Variants in RNF14 observed in about 807,000 individuals in gnomAD.
The protein encoded by RNF14 is ring finger protein 14.
RNF14 carries 26 observed loss-of-function variants against 52.6 expected under a neutral mutation model. That is an observed-to-expected ratio of 0.49 (90% confidence interval 0.36 to 0.69). RNF14 has a LOEUF of 0.69. Ranked by LOEUF, RNF14 falls within the 30% of genes least tolerant of loss-of-function variation. The pLI, the probability that RNF14 is intolerant of heterozygous loss-of-function variation, is 0.00. For synonymous variants in RNF14, 194 were observed against 202.0 expected (o/e 0.96, Z 0.34); for missense variants, 404 against 560.4 (o/e 0.72, Z 2.82).
chr5:141,968,553 C>T (rs1462947663), upstream of RNF14, among the ~76,000 whole-genome samples: 1 of 152,194 alleles, frequency 6.6e-6, no homozygotes, highest in African/African-American at 2.4e-5. Flanking sequence ...AGTTCTTGCA[C>T]CTAAGTCTCA....
At chr5:141,986,856 G>T (rs898065286) in intron 8 of RNF14, among the ~76,000 whole-genome samples, 9 of 152,210 alleles carry the variant, frequency 5.9e-5, no homozygotes, top group African/African-American at 1.9e-4. Flanking sequence ...GAAAAACGCT[G>T]CATGTGCAGT....
chr5:141,976,930 A>T (rs1259848439), intron 4 of RNF14, among the ~76,000 whole-genome samples: 1 of 152,058 alleles, frequency 6.6e-6, no homozygotes, highest in Non-Finnish European at 1.5e-5. Context: ...CTGGGAATAC[A>T]GGCGCCCGCC....
chr5:141,964,955 A>T (rs1411097873), upstream of RNF14, among the ~76,000 whole-genome samples: 1 of 151,976 alleles, frequency 6.6e-6, no homozygotes, highest in Non-Finnish European at 1.5e-5. Flanking sequence ...TTAAAAAAAA[A>T]CAATGTTTCA....
chr5:141,963,933 T>C (rs923585420), upstream of RNF14, among the ~76,000 whole-genome samples: 4 of 152,222 alleles, frequency 2.6e-5, no homozygotes, highest in African/African-American at 9.7e-5. Flanking sequence ...TGATTTATGA[T>C]GGCAGCTGCT....
chr5:141,949,670 C>G, the RNF14 span: 7 of 1,496,018 alleles, frequency 4.7e-6, no homozygotes, highest in Admixed American at 6.0e-5. Flanking sequence ...CATTCATTTA[C>G]CCATATAGGG....
rs929654843 is a variant in RNF14 at position 141,988,352 on chromosome 5, A to C, written c.*562A>C. On this transcript the variant is annotated 3_prime_UTR_variant, in exon 9 of 9. Transcript: ENST00000394520. Reference sequence around the variant, plus strand: ...TACTCCGTAACTGACTGGATGGTCCAGTGTCATTTTGATCTGCTTTTCAGA... The same window carrying C: ...TACTCCGTAACTGACTGGATGGTCCCGTGTCATTTTGATCTGCTTTTCAGA... 4 of 152,418 alleles carry C rather than the reference A, an allele frequency of 2.6e-5. No homozygotes were observed. The highest frequency in any genetic ancestry group is 2.6e-4 in the Admixed American group (4 of 15,286). The allele number at this position is 152,418 out of a possible 1,614,324, so 9.4% of individuals were successfully genotyped here.
upstream of RNF14, chr5:141,955,801 G>A (rs10040926): frequency 6.2e-6 from 10 of 1,613,746 alleles, no homozygotes; most frequent in African/African-American, 2.7e-5. The surrounding 1 kb of genome is among the most constrained non-coding windows in gnomAD (Gnocchi z 5.5). Context: ...GGTCTGTAAG[G>A]GGGGGCTTCC....
chr5:141,977,469 A>G (rs1596686144), intron 4 of RNF14, among the ~76,000 whole-genome samples: 1 of 152,394 alleles, frequency 6.6e-6, no homozygotes, highest in East Asian at 1.9e-4. Flanking sequence ...AAAGCTGCTT[A>G]TAATTCCTGT....
Position 141,987,713 on chromosome 5 carries a change from A to T in RNF14, c.1368-20A>T, listed in dbSNP as rs760685075. ...GTTTCGTTCAAGTGTATAAAAATGTACCTTTTTTAATGCTTCCAGGCTGTT... is the reference window on the plus strand; with the variant it reads ...GTTTCGTTCAAGTGTATAAAAATGTTCCTTTTTTAATGCTTCCAGGCTGTT... On this transcript the variant is annotated intron_variant, in intron 8 of 8. Coordinates refer to ENST00000394520, the MANE Select transcript of RNF14 (RefSeq NM_004290.5). The T allele has an allele frequency of 1.2e-5, 19 of 1,612,634 alleles. No homozygotes were observed. In the Admixed American group the frequency reaches 3.2e-4, roughly 27 times the overall value.
upstream of RNF14, chr5:141,956,840 C>T (rs768658970): frequency 6.2e-7 from 1 of 1,614,250 alleles, no homozygotes; most frequent in South Asian, 1.1e-5. Flanking sequence ...TTGATGAGAA[C>T]TTTGCAATGG....
chr5:141,987,605 C>A, intron 8 of RNF14, 128 bp from the exon 9 acceptor site: 1 of 876,360 alleles, frequency 1.1e-6, no homozygotes, highest in Non-Finnish European at 1.8e-6. Flanking sequence ...CTCCTCAGTG[C>A]AATGATTAAA....
chr5:141,955,875 A>G (rs1432594909), upstream of RNF14: 3 of 1,614,146 alleles, frequency 1.9e-6, no homozygotes, highest in Admixed American at 3.3e-5. The surrounding 1 kb of genome is among the most constrained non-coding windows in gnomAD (Gnocchi z 5.5). Context: ...CATTGGTGAC[A>G]TTGACGAACA....
At chr5:141,956,045 T>C, upstream of RNF14, 4 of 1,613,960 alleles carry the variant, frequency 2.5e-6, no homozygotes, top group South Asian at 2.2e-5. Flanking sequence ...GGTGTGTCAG[T>C]GCCCGCTGGG....
At chr5:141,979,973 C>T (rs1321493547) in intron 5 of RNF14, 150 bp from the exon 6 acceptor site, 1 of 645,148 alleles carries the variant, frequency 1.6e-6, no homozygotes, top group Non-Finnish European at 2.8e-6. Context: ...ATTGTCATCT[C>T]AGTCAAAATG....
At chr5:141,984,637 C>A (rs1755079654) in intron 7 of RNF14, among the ~76,000 whole-genome samples, 166 bp from the exon 8 acceptor site, 1 of 152,098 alleles carries the variant, frequency 6.6e-6, no homozygotes, top group African/African-American at 2.4e-5. Flanking sequence ...ACTTCTAATG[C>A]AAAATAGAAA....
chr5:141,983,548 T>C lies in RNF14; in HGVS notation c.1232T>C (p.Ile411Thr). ...SKSCPCCGTPIEKLDGCNKMT... is the reference protein window; with the variant it reads ...SKSCPCCGTPTEKLDGCNKMT... ...AGCTGCCCATGTTGTGGAACTCCCA[T>C]AGAGGTAAATGTTTTGGGACAGACT... The change falls in exon 7 of 9, where the codon ATA (isoleucine) becomes ACA (threonine). Residue 411 changes from isoleucine to threonine, a missense_variant. Coordinates refer to ENST00000394520, the MANE Select transcript of RNF14 (RefSeq NM_004290.5). The C allele has an allele frequency of 6.2e-7, 1 of 1,609,004 alleles. No individual in the cohort carries two copies. The highest frequency in any genetic ancestry group is 8.5e-7 in the Non-Finnish European group (1 of 1,179,058).
At chr5:141,955,894 G>A (rs759157268), upstream of RNF14, 42 of 1,614,024 alleles carry the variant, frequency 2.6e-5, no homozygotes, top group East Asian at 2.7e-4. This position sits in a 1 kb window ranked among gnomAD's most constrained non-coding sequence, Gnocchi z 5.5. Context: ...CAGCTGCCCC[G>A]TATGAGGGTT....
At chr5:141,955,574 G>C, upstream of RNF14, 1 of 1,614,126 alleles carries the variant, frequency 6.2e-7, no homozygotes, top group Middle Eastern at 1.6e-4. The surrounding 1 kb of genome is among the most constrained non-coding windows in gnomAD (Gnocchi z 5.5). Context: ...GGCTGCTGGC[G>C]GTAGGTGGAC....
intron 4 of RNF14, 26 bp downstream of exon 4, chr5:141,974,981 T>C (rs937348402): frequency 8.1e-6 from 13 of 1,606,404 alleles, no homozygotes; most frequent in South Asian, 1.1e-5. Context: ...TAATTTTTCC[T>C]ATCCATTTTT....
Sources: allele counts gnomAD v4.1 joint callset (sites outside exome capture counted in the v4.1 genomes callset), GRCh38; gene constraint gnomAD v4.1.1; non-coding constraint Gnocchi (gnomAD v3.1); transcripts MANE v1.5; gene names NCBI Gene and HGNC (gene_info 2026-07-23, HGNC 2026-07-21).